Variants in FAM20A observed in about 807,000 individuals in gnomAD.
FAM20A encodes the protein FAM20A golgi associated secretory pathway pseudokinase, also known as pseudokinase FAM20A.
A neutral mutation model predicts 52.0 loss-of-function variants in FAM20A; 42 were observed. The observed-to-expected ratio is 0.81, with a 90% CI of 0.63 to 1.04. The LOEUF (loss-of-function observed/expected upper bound fraction) is 1.04, where lower values mean the gene tolerates loss of function less well. Among genes scored for constraint, FAM20A ranks in the 50% least tolerant of loss-of-function variants. The pLI, the probability that FAM20A is intolerant of heterozygous loss-of-function variation, is 0.00. For synonymous variants in FAM20A, 304 were observed against 298.9 expected, an observed-to-expected ratio of 1.02 and a Z score of -0.18; for missense variants, 742 against 712.7, an observed-to-expected ratio of 1.04 and a Z score of -0.47.
chr17:68,563,481 A>G (rs562811363), intron 1 of FAM20A, among the ~76,000 whole-genome samples: 266 of 151,580 alleles, frequency 1.8e-3, no homozygotes, highest in African/African-American at 6.2e-3. Context: ...TCCACTTTTC[A>G]CAGCCCACAC....
At chr17:68,595,436 A>G (rs943983048) in intron 1 of FAM20A, among the ~76,000 whole-genome samples, 1 of 152,202 alleles carries the variant, frequency 6.6e-6, no homozygotes. Flanking sequence ...TTTGATTCTG[A>G]GAGGAGTGGA....
At chr17:68,555,183 C>A (rs995849656) in intron 2 of FAM20A, among the ~76,000 whole-genome samples, 1 of 152,218 alleles carries the variant, frequency 6.6e-6, no homozygotes, top group Non-Finnish European at 1.5e-5. Flanking sequence ...AGCTCCACCC[C>A]CTAGGTCCTT....
chr17:68,559,277 T>A (rs1239385571), intron 1 of FAM20A, among the ~76,000 whole-genome samples: 1 of 152,214 alleles, frequency 6.6e-6, no homozygotes, highest in African/African-American at 2.4e-5. Context: ...CTAAGTAATA[T>A]TTTTTATTAG....
At chr17:68,567,223 G>A (rs747078344) in intron 1 of FAM20A, among the ~76,000 whole-genome samples, 4 of 151,912 alleles carry the variant, frequency 2.6e-5, no homozygotes, top group Non-Finnish European at 5.9e-5. Context: ...CAAACCTGCT[G>A]TTATTGCACG....
chr17:68,578,947 A>C (rs2087858966), intron 1 of FAM20A, among the ~76,000 whole-genome samples: 2 of 149,644 alleles, frequency 1.3e-5, no homozygotes, highest in African/African-American at 4.9e-5. Flanking sequence ...CCCGGGAGGC[A>C]GAGGTTGCAA....
At chr17:68,572,019 T>C (rs1310759327) in intron 1 of FAM20A, among the ~76,000 whole-genome samples, 18 of 117,362 alleles carry the variant, frequency 1.5e-4, no homozygotes, top group African/African-American at 5.4e-4. Context: ...TATATATATA[T>C]ATATATATAT....
chr17:68,548,725 A>ATTT lies in FAM20A; in HGVS notation c.719+3145_719+3147dup, dbSNP rs753348891. Among the ~76,000 whole-genome samples, 377 of 79,130 alleles carry ATTT rather than the reference A, an allele frequency of 4.8e-3. 3 individuals carry two copies. The highest frequency in any genetic ancestry group is 0.011 in the African/African-American group (191 of 18,140). 51.9% of individuals were successfully genotyped at this position (79,130 alleles called of 152,430 possible). A position where few individuals can be genotyped will look rare whatever the true frequency, so the allele number is the denominator to read the frequency against. ...CAGATACAGCGAGCTATGCCTGTAT[A>ATTT]TTTTTTTTTTTTTTTTTTTTTTTTT... On this transcript the variant is annotated intron_variant, in intron 4 of 10. Transcript: ENST00000592554.
chr17:68,551,871 A>T lies in FAM20A; in HGVS notation c.719+2T>A, dbSNP rs1435985877. 1 of 1,575,442 alleles carries T rather than the reference A, an allele frequency of 6.3e-7. No homozygotes were observed. Among genetic ancestry groups the T allele is most frequent in the Non-Finnish European group, 8.6e-7 (1 of 1,158,252 alleles). On this transcript the variant is annotated splice_donor_variant, in intron 4 of 10. Transcript: ENST00000592554. LOFTEE classifies it high-confidence loss of function. ...GTGGAAAGGAGGAAGGCAGTCACTT[A>T]CCTCATGGGTTTGAACATGGCCTTC... is the stretch of plus-strand genomic sequence containing the variant.
chr17:68,553,131 C>A, intron 3 of FAM20A, among the ~76,000 whole-genome samples: 1 of 152,098 alleles, frequency 6.6e-6, no homozygotes, highest in South Asian at 2.1e-4. Context: ...GGGGCAGCTT[C>A]CCCTGTGCCG....
intron 1 of FAM20A, among the ~76,000 whole-genome samples, chr17:68,570,356 G>C (rs910712738): frequency 6.6e-6 from 1 of 152,200 alleles, no homozygotes; most frequent in South Asian, 2.1e-4. Context: ...TCACAGGTGT[G>C]AGCCACTACA....
At chr17:68,564,423 G>A (rs963357879) in intron 1 of FAM20A, among the ~76,000 whole-genome samples, 3 of 152,158 alleles carry the variant, frequency 2.0e-5, no homozygotes, top group Non-Finnish European at 4.4e-5. Context: ...CAAAAACACT[G>A]TTCTACTGGC....
intron 4 of FAM20A, among the ~76,000 whole-genome samples, chr17:68,548,819 G>A (rs1374220211): frequency 7.6e-6 from 1 of 132,066 alleles, no homozygotes; most frequent in Admixed American, 8.6e-5. Flanking sequence ...TGCAAGCTCC[G>A]CCTCCCGGGT....
intron 4 of FAM20A, chr17:68,551,084 G>A: frequency 8.1e-7 from 1 of 1,234,318 alleles, no homozygotes; most frequent in Non-Finnish European, 1.0e-6. Context: ...TTTTCTGCAG[G>A]TCACCTCATC....
intron 1 of FAM20A, among the ~76,000 whole-genome samples, chr17:68,578,972 G>A (rs902454974): frequency 4.0e-5 from 6 of 148,460 alleles, no homozygotes; most frequent in East Asian, 4.0e-4. Flanking sequence ...CAGAGATCGC[G>A]CCACTGCACT....
intron 1 of FAM20A, among the ~76,000 whole-genome samples, chr17:68,581,386 C>CTTTCTTTCTTTCTTTT: frequency 6.9e-6 from 1 of 144,376 alleles, no homozygotes; most frequent in Non-Finnish European, 1.5e-5. Flanking sequence ...TTCTTTCTTT[C>CTTTCTTTCTTTCTTTT]TTTCTTTCTT....
At chr17:68,594,365 C>T (rs1271426766) in intron 1 of FAM20A, among the ~76,000 whole-genome samples, 1 of 151,336 alleles carries the variant, frequency 6.6e-6, no homozygotes, top group Non-Finnish European at 1.5e-5. Flanking sequence ...CGCCACTGCA[C>T]TCCAGCCTGG....
intron 1 of FAM20A, among the ~76,000 whole-genome samples, chr17:68,590,513 T>A (rs1335189281): frequency 1.3e-5 from 2 of 152,214 alleles, no homozygotes; most frequent in African/African-American, 2.4e-5. Context: ...CCCCATCAGT[T>A]TCTTTTTTAT....
Position 68,600,639 on chromosome 17 carries a change from G to T in FAM20A, c.28C>A (p.Leu10Met). 1 of 1,556,726 alleles carries T rather than the reference G, an allele frequency of 6.4e-7. No individual in the cohort carries two copies. The highest frequency in any genetic ancestry group is 8.6e-7 in the Non-Finnish European group (1 of 1,157,274). MPGLRRDRLLTLLLLGALLS... is the reference protein window; with the variant it reads MPGLRRDRLMTLLLLGALLS... ...AGCGCGCCCAGCAGCAGCAGAGTCA[G>T]TAGGCGGTCCCGGCGCAGCCCCGGC... Residue 10 changes from leucine (L) to methionine (M), a missense_variant, in exon 1 of 11, where the codon CTG (leucine) becomes ATG (methionine). Physicochemically the swap from Leu to Met is conservative, Grantham distance 15. Coordinates refer to ENST00000592554, the MANE Select transcript of FAM20A (RefSeq NM_017565.4). This position sits in a 1 kb window ranked among gnomAD's most constrained non-coding sequence, Gnocchi z 6.2.
chr17:68,541,899 C>A lies in FAM20A; in HGVS notation c.1109+86G>T, dbSNP rs950223026. On this transcript the variant is annotated intron_variant, in intron 7 of 10. Coordinates refer to ENST00000592554, the MANE Select transcript of FAM20A (RefSeq NM_017565.4). ...GAGTATTGAGGCAGCTTTTCAGATT[C>A]AAAAGCCAAGCTAGCAACAAGTCCC... 6.0e-6 allele frequency: 9 copies of A among 1,491,962 alleles called. No individual in the cohort carries two copies. The South Asian group carries it at 9.2e-5, about 15-fold the overall frequency. 92.4% of individuals were successfully genotyped at this position (1,491,962 alleles called of 1,614,324 possible).
Sources: allele counts gnomAD v4.1 joint callset (sites outside exome capture counted in the v4.1 genomes callset), GRCh38; gene constraint gnomAD v4.1.1; non-coding constraint Gnocchi (gnomAD v3.1); transcripts MANE v1.5; gene names NCBI Gene and HGNC (gene_info 2026-07-23, HGNC 2026-07-21).